The following CHSY3 variants were observed in gnomAD, a reference collection of about 807,000 sequenced individuals.
CHSY3 encodes N-acetylgalactosaminyl-proteoglycan 3-beta-glucuronosyltransferase 3.
Under a neutral mutation model 67.2 loss-of-function variants are expected in CHSY3, and 35 were observed. That is an observed-to-expected ratio of 0.52 (90% CI 0.40 to 0.69). The LOEUF is 0.69. Among genes scored for constraint, CHSY3 ranks in the 30% least tolerant of loss-of-function variants. The pLI, the probability that CHSY3 is intolerant of heterozygous loss-of-function variation, is 0.00. For missense variants in CHSY3, 1,069 were observed against 1,138.5 expected (o/e 0.94, Z 0.88); for synonymous variants, 474 against 434.7 (o/e 1.09, Z -1.12).
intron 2 of CHSY3, among the ~76,000 whole-genome samples, chr5:130,070,653 A>G (rs753654455): frequency 5.1e-4 from 78 of 152,132 alleles, no homozygotes; most frequent in Non-Finnish European, 7.1e-4. Flanking sequence ...TTAATACTCA[A>G]TTATTTGGCT....
intron 2 of CHSY3, among the ~76,000 whole-genome samples, chr5:129,919,022 G>A (rs1364163056): frequency 4.8e-5 from 7 of 146,032 alleles, no homozygotes; most frequent in Non-Finnish European, 9.0e-5. Flanking sequence ...CAGGAGAATG[G>A]CGTGAACCCG....
chr5:130,112,053 C>G (rs1331861446), intron 2 of CHSY3, among the ~76,000 whole-genome samples: 1 of 152,054 alleles, frequency 6.6e-6, no homozygotes, highest in Non-Finnish European at 1.5e-5. Flanking sequence ...ACTTCAGAAT[C>G]TATGTTCCAG....
intron 2 of CHSY3, among the ~76,000 whole-genome samples, chr5:130,145,130 G>A (rs1383938804): frequency 6.6e-6 from 1 of 152,094 alleles, no homozygotes; most frequent in Admixed American, 6.6e-5. Flanking sequence ...ACACAACCCA[G>A]TCACCTCCCA....
At chr5:130,166,694 A>C (rs763033085) in intron 2 of CHSY3, among the ~76,000 whole-genome samples, 48 of 152,258 alleles carry the variant, frequency 3.2e-4, no homozygotes, top group Non-Finnish European at 5.6e-4. Flanking sequence ...CCTAAGAAAA[A>C]TATTATAATA....
chr5:130,089,593 T>A (rs1766805075), intron 2 of CHSY3, among the ~76,000 whole-genome samples: 1 of 151,992 alleles, frequency 6.6e-6, no homozygotes, highest in Non-Finnish European at 1.5e-5. Context: ...GAAACACAAG[T>A]GTTGGTTGAA....
chr5:129,950,267 A>G lies in CHSY3; in HGVS notation c.1086+41907A>G, dbSNP rs946890972. The stretch of plus-strand genomic sequence containing the variant: ...AAAATTTTAAACATATTAGGTGTAA[A>G]GAAATGTACCTCACTACAGTAAAAA... On this transcript the variant is annotated intron_variant, in intron 2 of 2. Coordinates refer to ENST00000305031, the MANE Select transcript of CHSY3 (RefSeq NM_175856.5). Among the ~76,000 whole-genome samples the G allele has an allele frequency of 7.9e-5, 12 of 152,194 alleles. 1 individual carries two copies. Among genetic ancestry groups the G allele is most frequent in the Admixed American group, 6.5e-4 (10 of 15,280 alleles).
At chr5:130,012,020 A>T (rs922432649) in intron 2 of CHSY3, among the ~76,000 whole-genome samples, 1 of 152,236 alleles carries the variant, frequency 6.6e-6, no homozygotes, top group Non-Finnish European at 1.5e-5. Context: ...CAATGGCCGT[A>T]CTCCACACAG....
chr5:130,068,724 A>G (rs1203992091), intron 2 of CHSY3, among the ~76,000 whole-genome samples: 1 of 152,166 alleles, frequency 6.6e-6, no homozygotes, highest in African/African-American at 2.4e-5. Context: ...AAAAGCTTTC[A>G]TCAATCATGC....
intron 2 of CHSY3, among the ~76,000 whole-genome samples, chr5:130,092,246 C>A (rs1002614359): frequency 1.3e-5 from 2 of 152,164 alleles, no homozygotes; most frequent in African/African-American, 4.8e-5. Flanking sequence ...GAATAATTTT[C>A]TCTCTACCCT....
At chr5:129,905,895 T>G in intron 1 of CHSY3, 1 of 727,012 alleles carries the variant, frequency 1.4e-6, no homozygotes, top group Non-Finnish European at 2.1e-6. Flanking sequence ...CGCCTCGCGC[T>G]TGTCCCTTAG....
intron 2 of CHSY3, among the ~76,000 whole-genome samples, chr5:130,085,779 G>A (rs1477454673): frequency 1.3e-5 from 2 of 152,010 alleles, no homozygotes; most frequent in African/African-American, 4.8e-5. Flanking sequence ...ACACTGCTTT[G>A]AATGTGTCCC....
chr5:130,065,896 T>C (rs1364754267), intron 2 of CHSY3, among the ~76,000 whole-genome samples: 1 of 152,140 alleles, frequency 6.6e-6, no homozygotes, highest in African/African-American at 2.4e-5. Flanking sequence ...TACAAGTTTT[T>C]AAATTCTGAA....
At chr5:129,961,407 C>T (rs1275921194) in intron 2 of CHSY3, among the ~76,000 whole-genome samples, 1 of 151,974 alleles carries the variant, frequency 6.6e-6, no homozygotes, top group African/African-American at 2.4e-5. Flanking sequence ...AAATTGAACT[C>T]TCATTTGAGA....
At chr5:129,995,324 G>T (rs949371663) in intron 2 of CHSY3, among the ~76,000 whole-genome samples, 1 of 151,730 alleles carries the variant, frequency 6.6e-6, no homozygotes, top group Non-Finnish European at 1.5e-5. Context: ...TATTTTCTGG[G>T]TATGAGATCT....
chr5:129,958,307 A>G (rs1762236087), intron 2 of CHSY3, among the ~76,000 whole-genome samples: 1 of 151,962 alleles, frequency 6.6e-6, no homozygotes, highest in Non-Finnish European at 1.5e-5. Context: ...TGCAGTGTGG[A>G]TTTCTTCTAC....
intron 2 of CHSY3, among the ~76,000 whole-genome samples, chr5:130,063,295 G>A (rs547807546): frequency 9.0e-4 from 137 of 152,116 alleles, no homozygotes; most frequent in Middle Eastern, 3.4e-3. Context: ...AAACAAATAA[G>A]CCTTTTGTCT....
At chr5:130,108,674 T>C (rs1441381696) in intron 2 of CHSY3, among the ~76,000 whole-genome samples, 2 of 151,702 alleles carry the variant, frequency 1.3e-5, no homozygotes, top group African/African-American at 2.4e-5. Flanking sequence ...TTGGTTTTGA[T>C]TTTAAAATGT....
intron 2 of CHSY3, among the ~76,000 whole-genome samples, chr5:130,165,261 G>A (rs7717696): frequency 0.03 from 4,602 of 152,204 alleles, 154 homozygotes; most frequent in African/African-American, 0.087. Flanking sequence ...TTTGGACCAG[G>A]ATGGTTGCCC....
intron 2 of CHSY3, among the ~76,000 whole-genome samples, chr5:130,122,521 G>A (rs1242082510): frequency 2.6e-5 from 4 of 152,152 alleles, no homozygotes; most frequent in Admixed American, 6.5e-5. Context: ...GCACAAAGGC[G>A]GCACTCAGCT....
Sources: allele counts gnomAD v4.1 joint callset (sites outside exome capture counted in the v4.1 genomes callset), GRCh38; gene constraint gnomAD v4.1.1; transcripts MANE v1.5; gene names NCBI Gene and HGNC (gene_info 2026-07-23, HGNC 2026-07-21).